ESYT3: variants seen among roughly 807,000 people sequenced by gnomAD.
ESYT3 encodes extended synaptotagmin 3.
A neutral mutation model predicts 111.5 loss-of-function variants in ESYT3; 101 were observed. The observed-to-expected ratio is 0.91, with a 90% confidence interval of 0.77 to 1.07. ESYT3 has a LOEUF of 1.07. Among genes scored for constraint, ESYT3 ranks in the 50% least tolerant of loss-of-function variants. The pLI is 0.00. For synonymous variants in ESYT3, 416 were observed against 446.8 expected, an observed-to-expected ratio of 0.93 and a Z score of 0.87; for missense variants, 1,097 against 1,109.4, an observed-to-expected ratio of 0.99 and a Z score of 0.16.
At chr3:138,436,968 C>T (rs1444021984) in intron 1 of ESYT3, among the ~76,000 whole-genome samples, 1 of 152,014 alleles carries the variant, frequency 6.6e-6, no homozygotes, top group Non-Finnish European at 1.5e-5. Flanking sequence ...GCCTCTCCCC[C>T]ACATACACCA....
At chr3:138,465,257 C>T in intron 9 of ESYT3, 82 bp from the exon 10 acceptor site, 2 of 1,027,190 alleles carry the variant, frequency 1.9e-6, no homozygotes, top group Non-Finnish European at 2.9e-6. Context: ...TGCTAGCGTT[C>T]TGAGCCATGA....
In ESYT3 at chr3:138,434,858, G is replaced by A; in HGVS notation, c.60G>A (p.Thr20=). ...CCAGCGCCCTGGGAGCCCAGCGCAC[G>A]CCGGGCCCCGAGCTGCGCCTGTCCA... ...GAPSALGAQR[T]PGPELRLSSQ... is the part of the protein sequence containing the mutation. The change falls in exon 1 of 23, where the codon ACG becomes ACA. Residue 20 remains threonine (T), a synonymous_variant. Coordinates refer to ENST00000389567, the MANE Select transcript of ESYT3 (RefSeq NM_031913.5). 1.3e-6 allele frequency: 2 copies of A among 1,549,396 alleles called. No homozygotes were observed. The highest frequency in any genetic ancestry group is 1.7e-6 in the Non-Finnish European group (2 of 1,146,856).
rs367846123 is a variant in ESYT3 at position 138,474,886 on chromosome 3, A to C, written c.2468+534A>C. ...TTGCTTTTGATGGGCCAGTGGTGGC[A>C]AGTCTCATCCCAAATATTTTTATTC... On this transcript the variant is annotated intron_variant, in intron 20 of 22. Coordinates refer to ENST00000389567, the MANE Select transcript of ESYT3 (RefSeq NM_031913.5). 3.3e-5 allele frequency among the ~76,000 whole-genome samples: 5 copies of C among 152,334 alleles called. No individual in the cohort carries two copies. The East Asian group carries it at 5.8e-4, about 18-fold the overall frequency.
intron 14 of ESYT3, 30 bp downstream of exon 14, chr3:138,468,911 G>A (rs377534895): frequency 1.2e-4 from 196 of 1,611,990 alleles, no homozygotes; most frequent in Non-Finnish European, 1.6e-4. Flanking sequence ...AAAACTCCAG[G>A]GAGGGCAAAT....
rs1453316281 is a variant in ESYT3 at position 138,434,863 on chromosome 3, G to A, written c.65G>A (p.Gly22Asp). 2.6e-6 allele frequency: 4 copies of A among 1,549,488 alleles called. No homozygotes were observed. Among genetic ancestry groups the A allele is most frequent in the Non-Finnish European group, 3.5e-6 (4 of 1,146,824 alleles). Residue 22 changes from glycine to aspartate, a missense_variant, in exon 1 of 23, where the codon GGC (glycine) becomes GAC (aspartate). Transcript: ENST00000389567. The stretch of plus-strand genomic sequence containing the variant: ...GCCCTGGGAGCCCAGCGCACGCCGG[G>A]CCCCGAGCTGCGCCTGTCCAGCCAG... ...PSALGAQRTP[G>D]PELRLSSQLL...
chr3:138,461,108 T>G (rs549960022), intron 7 of ESYT3, among the ~76,000 whole-genome samples: 1 of 152,258 alleles, frequency 6.6e-6, no homozygotes, highest in African/African-American at 2.4e-5. Flanking sequence ...GGGCTCTTCC[T>G]CAGTAAAAGG....
chr3:138,449,941 G>T (rs1430338047), intron 1 of ESYT3, among the ~76,000 whole-genome samples: 1 of 152,216 alleles, frequency 6.6e-6, no homozygotes, highest in Non-Finnish European at 1.5e-5. Context: ...AGCTTCCAGT[G>T]TGTAGGGAGG....
intron 22 of ESYT3, 118 bp from the exon 23 acceptor site, chr3:138,476,700 A>T (rs1470584438): frequency 6.0e-6 from 7 of 1,172,000 alleles, no homozygotes; most frequent in Non-Finnish European, 7.6e-6. Context: ...GCCAACTTAC[A>T]GAGAGACAGG....
rs2032476856 is a variant in ESYT3 at position 138,459,229 on chromosome 3, T to G, written c.624T>G (p.Ile208Met). The G allele has an allele frequency of 6.4e-7, 1 of 1,560,994 alleles. No individual in the cohort carries two copies. Among genetic ancestry groups the G allele is most frequent in the South Asian group, 1.2e-5 (1 of 83,470 alleles). Reference sequence around the variant, plus strand: ...AGATCAGTGTGGAGCTGCAGAAGATTCAGGCTGGTGTGAACGGGATCCAGG... The same window carrying G: ...AGATCAGTGTGGAGCTGCAGAAGATGCAGGCTGGTGTGAACGGGATCCAGG... Reference protein sequence around the residue: ...DCEISVELQKIQAGVNGIQLQ... With the variant: ...DCEISVELQKMQAGVNGIQLQ... Residue 208 changes from isoleucine to methionine, a missense_variant, in exon 5 of 23, where the codon ATT becomes ATG. Ile to Met is a conservative substitution (Grantham distance 10). Coordinates refer to ENST00000389567, the MANE Select transcript of ESYT3 (RefSeq NM_031913.5).
intron 1 of ESYT3, among the ~76,000 whole-genome samples, chr3:138,437,586 G>A (rs896307031): frequency 1.3e-5 from 2 of 152,168 alleles, no homozygotes; most frequent in African/African-American, 4.8e-5. Context: ...TCAAGTTGAG[G>A]CAGACTTGAT....
At chr3:138,443,852 C>T (rs2031345175) in intron 1 of ESYT3, among the ~76,000 whole-genome samples, 1 of 152,042 alleles carries the variant, frequency 6.6e-6, no homozygotes, top group Non-Finnish European at 1.5e-5. Flanking sequence ...GCTCCTTAGT[C>T]CCTCCGCCTC....
Position 138,464,346 on chromosome 3 carries a change from G to C in ESYT3, c.917G>C (p.Gly306Ala), listed in dbSNP as rs1560234432. Residue 306 changes from glycine to alanine, a missense_variant and splice_region_variant, in exon 9 of 23, where the codon GGG (glycine) becomes GCG (alanine). Coordinates refer to ENST00000389567, the MANE Select transcript of ESYT3 (RefSeq NM_031913.5). ...LTNLRFPLPC[G>A]VIRVHLLEAE... ...GCCCTGGGCTTGGACATTTTCCAGG[G>C]GGTGATCAGAGTGCACTTGCTGGAG... 1 of 1,613,974 alleles carries C rather than the reference G, an allele frequency of 6.2e-7. No homozygotes were observed. Among genetic ancestry groups the C allele is most frequent in the Non-Finnish European group, 8.5e-7 (1 of 1,179,922 alleles).
chr3:138,468,920 A>G (rs1183675669), intron 14 of ESYT3, 39 bp downstream of exon 14: 5 of 1,601,656 alleles, frequency 3.1e-6, no homozygotes, highest in African/African-American at 1.3e-5. Context: ...GGGAGGGCAA[A>G]TCACAGCTTC....
In ESYT3 at chr3:138,470,917, A is replaced by G; in HGVS notation, c.1631A>G (p.Glu544Gly). 6.2e-7 allele frequency: 1 copy of G among 1,614,142 alleles called. No homozygotes were observed. The highest frequency in any genetic ancestry group is 8.5e-7 in the Non-Finnish European group (1 of 1,180,028). The change falls in exon 17 of 23, where the codon GAG (glutamate) becomes GGG (glycine). Residue 544 changes from glutamate to glycine, a missense_variant. Coordinates refer to ENST00000389567, the MANE Select transcript of ESYT3 (RefSeq NM_031913.5). ...DDQECALGML[E>G]VPLCQILPYA... ...CAGGAGTGTGCTCTGGGAATGCTGG[A>G]GGTCCCCCTGTGCCAGATCCTCCCC...
chr3:138,462,463 A>G (rs1379060704), intron 8 of ESYT3: 1 of 557,370 alleles, frequency 1.8e-6, no homozygotes, highest in East Asian at 2.8e-5. Flanking sequence ...ACAACTGACC[A>G]TGAATATTTA....
At chr3:138,442,696 T>A (rs2031245210) in intron 1 of ESYT3, among the ~76,000 whole-genome samples, 1 of 152,250 alleles carries the variant, frequency 6.6e-6, no homozygotes, top group African/African-American at 2.4e-5. Context: ...ATAAGGTGTA[T>A]GTCTTGTACA....
chr3:138,451,730 G>A (rs575399711), intron 1 of ESYT3, among the ~76,000 whole-genome samples: 5 of 152,328 alleles, frequency 3.3e-5, no homozygotes, highest in African/African-American at 7.2e-5. Context: ...TGTCCTGCCC[G>A]CCACCGCGTG....
Position 138,469,629 on chromosome 3 carries a change from G to A in ESYT3, c.1503+125G>A, listed in dbSNP as rs183685140. ...CCTAGTAGGCACTTGATGTTATTTA[G>A]TCTTCAGAATAACCTCACAAAATAG... is the stretch of plus-strand genomic sequence containing the variant. On this transcript the variant is annotated intron_variant, in intron 15 of 22. Transcript: ENST00000389567. The A allele has an allele frequency of 4.0e-4, 284 of 710,048 alleles. No individual in the cohort carries two copies. The African/African-American group carries it at 4.6e-3, about 11-fold the overall frequency. The allele number at this position is 710,048 out of a possible 1,614,324, so 44.0% of individuals were successfully genotyped here. A position where few individuals can be genotyped will look rare whatever the true frequency, so the allele number is the denominator to read the frequency against.
intron 3 of ESYT3, among the ~76,000 whole-genome samples, chr3:138,456,483 C>A (rs1416169502): frequency 6.6e-6 from 1 of 152,166 alleles, no homozygotes; most frequent in Non-Finnish European, 1.5e-5. Context: ...GTGTTCACAG[C>A]AGAGCCTGCT....
Sources: gnomAD v4.1 joint callset for allele counts (sites outside exome capture counted in the v4.1 genomes callset) on GRCh38, gnomAD v4.1.1 for gene constraint, MANE v1.5 for transcripts, NCBI Gene and HGNC (gene_info 2026-07-23, HGNC 2026-07-21) for gene names.